PCDHGA10: variants seen among roughly 807,000 people sequenced by gnomAD.
PCDHGA10 encodes protocadherin gamma-A10.
A neutral mutation model predicts 59.5 loss-of-function variants in PCDHGA10; 42 were observed. That is an observed-to-expected ratio of 0.71 (90% CI 0.55 to 0.91). The LOEUF (loss-of-function observed/expected upper bound fraction) is 0.91. PCDHGA10 is among the 40% of genes least tolerant of loss of function. The pLI, the probability that PCDHGA10 is intolerant of heterozygous loss-of-function variation, is 0.00. For missense variants in PCDHGA10, 1,111 were observed against 1,198.2 expected, an observed-to-expected ratio of 0.93 and a Z score of 1.07; for synonymous variants, 511 against 517.2, an observed-to-expected ratio of 0.99 and a Z score of 0.16.
At chr5:141,447,773 T>C (rs2098551408) in intron 1 of PCDHGA10, among the ~76,000 whole-genome samples, 1 of 152,202 alleles carries the variant, frequency 6.6e-6, no homozygotes, top group African/African-American at 2.4e-5. Context: ...AATTATACTT[T>C]AATTGAAAAT....
At chr5:141,466,974 C>G (rs1314224956) in intron 1 of PCDHGA10, among the ~76,000 whole-genome samples, 1 of 151,944 alleles carries the variant, frequency 6.6e-6, no homozygotes, top group Non-Finnish European at 1.5e-5. Context: ...TCTCACAGCT[C>G]ATCATTTACC....
intron 1 of PCDHGA10, among the ~76,000 whole-genome samples, chr5:141,436,604 G>A (rs2097836057): frequency 6.6e-6 from 1 of 152,146 alleles, no homozygotes; most frequent in Admixed American, 6.5e-5. Context: ...GTGATGGCTA[G>A]GGCTAACAAA....
chr5:141,497,919 T>G (rs762168347), intron 2 of PCDHGA10, among the ~76,000 whole-genome samples: 11 of 152,206 alleles, frequency 7.2e-5, no homozygotes, highest in Non-Finnish European at 1.6e-4. Flanking sequence ...TCTCCTTCAT[T>G]CATTCAACAA....
chr5:141,418,264 A>C, intron 1 of PCDHGA10: 1 of 1,614,082 alleles, frequency 6.2e-7, no homozygotes, highest in Non-Finnish European at 8.5e-7. Flanking sequence ...AATTCCGGAA[A>C]GATGAAATAA....
intron 1 of PCDHGA10, chr5:141,423,123 A>G: frequency 1.2e-6 from 2 of 1,613,766 alleles, no homozygotes; most frequent in Non-Finnish European, 1.7e-6. Flanking sequence ...CAGCGCGGGC[A>G]CTGCTGGACA....
chr5:141,468,903 C>T (rs1265804352), intron 1 of PCDHGA10, among the ~76,000 whole-genome samples: 1 of 151,614 alleles, frequency 6.6e-6, no homozygotes, highest in Non-Finnish European at 1.5e-5. Context: ...CTAATATGAT[C>T]CAGACTAGAA....
rs1412265811 is a variant in PCDHGA10, at chr5:141,461,565, A to G, written c.2437-33242A>G. Among the ~76,000 whole-genome samples the G allele has an allele frequency of 2.6e-5, 4 of 152,178 alleles. No individual in the cohort carries two copies. The East Asian group carries it at 7.7e-4, about 29-fold the overall frequency. On this transcript the variant is annotated intron_variant, in intron 1 of 3. Coordinates refer to ENST00000398610, the MANE Select transcript of PCDHGA10 (RefSeq NM_018913.3). ...CCTTTGTCAGATGTGTACTTTGCAA[A>G]GATAATATTTTGGATGTTATATTTC...
chr5:141,433,643 C>A (rs899772934), intron 1 of PCDHGA10, among the ~76,000 whole-genome samples: 13 of 152,070 alleles, frequency 8.5e-5, no homozygotes, highest in African/African-American at 2.7e-4. Context: ...TGAGACCAGC[C>A]TGACCAACAT....
At chr5:141,438,232 GT>G (rs531572606) in intron 1 of PCDHGA10, among the ~76,000 whole-genome samples, 207 of 152,154 alleles carry the variant, frequency 1.4e-3, no homozygotes, top group Middle Eastern at 0.01. Flanking sequence ...TCAGGAAAAT[GT>G]TTTTAAAAAA....
Position 141,432,849 on chromosome 5 carries a change from T to G in PCDHGA10, c.2436+17238T>G. The G allele has an allele frequency of 1.2e-6, 2 of 1,614,194 alleles. No homozygotes were observed. The highest frequency in any genetic ancestry group is 2.2e-5 in the South Asian group (2 of 91,092). ...CTCACTCTGTACCTGGTGGTAGCGG[T>G]GGCCGCGGTCTCCTGCGTCTTCCTG... On this transcript the variant is annotated intron_variant, in intron 1 of 3. Coordinates refer to ENST00000398610, the MANE Select transcript of PCDHGA10 (RefSeq NM_018913.3). This position sits in a 1 kb window ranked among gnomAD's most constrained non-coding sequence, Gnocchi z 6.0.
Position 141,464,191 on chromosome 5 carries a change from G to C in PCDHGA10, c.2437-30616G>C, listed in dbSNP as rs185888723. Among the ~76,000 whole-genome samples, 583 of 151,818 alleles carry C rather than the reference G, an allele frequency of 3.8e-3. 6 individuals are homozygous for C. Among genetic ancestry groups the C allele is most frequent in the Admixed American group, 0.011 (166 of 15,202 alleles). On this transcript the variant is annotated intron_variant, in intron 1 of 3. Transcript: ENST00000398610. ...GAGGCAGGAGAATTGCTTGATTTCA[G>C]GAGGCGGAGATTGCAGTGAGCTGAG...
At position 141,415,071 on chromosome 5, in the gene PCDHGA10, G is replaced by T; in HGVS notation, c.1896G>T (p.Thr632=). 6.2e-7 allele frequency: 1 copy of T among 1,613,422 alleles called. No individual in the cohort carries two copies. The highest frequency in any genetic ancestry group is 2.2e-5 in the East Asian group (1 of 44,870). Residue 632 remains threonine, a synonymous_variant, in exon 1 of 4, where the codon ACG becomes ACT. Coordinates refer to ENST00000398610, the MANE Select transcript of PCDHGA10 (RefSeq NM_018913.3). Reference sequence around the variant, plus strand: ...GGGAGCACACGGGCGAGGTGCGCACGGCGCGAGCCCTGCTGGACAGAGACG... The same window carrying T: ...GGGAGCACACGGGCGAGGTGCGCACTGCGCGAGCCCTGCTGGACAGAGACG... ...AVGEHTGEVR[T]ARALLDRDAL...
At chr5:141,443,126 A>G (rs972396091) in intron 1 of PCDHGA10, among the ~76,000 whole-genome samples, 1 of 152,190 alleles carries the variant, frequency 6.6e-6, no homozygotes, top group Non-Finnish European at 1.5e-5. Context: ...AACCAGATTA[A>G]GAACACTATC....
rs768648952 is a variant in PCDHGA10 at position 141,477,230 on chromosome 5, G to C, written c.2437-17577G>C. 6.2e-7 allele frequency: 1 copy of C among 1,614,046 alleles called. No homozygotes were observed. Among genetic ancestry groups the C allele is most frequent in the East Asian group, 2.2e-5 (1 of 44,890 alleles). ...GGATGCCCCTCTGGGGACTGTCATC[G>C]CTTTGCTCAGTGTGACTGACCTGGA... On this transcript the variant is annotated intron_variant, in intron 1 of 3. Transcript: ENST00000398610. The surrounding 1 kb of genome is among the most constrained non-coding windows in gnomAD (Gnocchi z 4.9).
In PCDHGA10 at chr5:141,415,023, C is replaced by A. The variant is rs1213037511; in HGVS notation, c.1848C>A (p.Ser616Arg). 1 of 1,613,530 alleles carries A rather than the reference C, an allele frequency of 6.2e-7. No individual in the cohort carries two copies. Among genetic ancestry groups the A allele is most frequent in the East Asian group, 2.2e-5 (1 of 44,872 alleles). ...AWLSYRLLKASEPGLFAVGEH... is the reference protein window; with the variant it reads ...AWLSYRLLKAREPGLFAVGEH... ...TGTCCTACCGTCTGCTCAAGGCCAG[C>A]GAGCCGGGACTCTTCGCGGTGGGGG... Residue 616 changes from serine (S) to arginine (R), a missense_variant, in exon 1 of 4, where the codon AGC becomes AGA. Coordinates refer to ENST00000398610, the MANE Select transcript of PCDHGA10 (RefSeq NM_018913.3).
chr5:141,511,215 A>G lies in PCDHGA10; in HGVS notation c.*42A>G, dbSNP rs1562250541. On this transcript the variant is annotated 3_prime_UTR_variant, in exon 4 of 4. Coordinates refer to ENST00000398610, the MANE Select transcript of PCDHGA10 (RefSeq NM_018913.3). ...AGAGCCACAGGGCGGCCTCTCCCCA[A>G]CCAGCCCAGCTTCTCCTTACCTGCA... The G allele has an allele frequency of 1.2e-6, 2 of 1,608,380 alleles. No individual in the cohort carries two copies. The highest frequency in any genetic ancestry group is 2.2e-5 in the East Asian group (1 of 44,560).
At position 141,489,318 on chromosome 5, in the gene PCDHGA10, G is replaced by T; in HGVS notation, c.2437-5489G>T. On this transcript the variant is annotated intron_variant, in intron 1 of 3. Coordinates refer to ENST00000398610, the MANE Select transcript of PCDHGA10 (RefSeq NM_018913.3). The surrounding 1 kb of genome is among the most constrained non-coding windows in gnomAD (Gnocchi z 4.5). ...TGTTGTCCTTGTGCTGCTGGGGCTG[G>T]GTGTCTGGGCAGCTTCGTTACTCAG... The T allele has an allele frequency of 6.3e-7, 1 of 1,599,092 alleles. No homozygotes were observed. Among genetic ancestry groups the T allele is most frequent in the Non-Finnish European group, 8.5e-7 (1 of 1,171,660 alleles).
At chr5:141,482,089 CAA>C (rs36035257) in intron 1 of PCDHGA10, among the ~76,000 whole-genome samples, 9,071 of 134,384 alleles carry the variant, frequency 0.068, 318 homozygotes, top group South Asian at 0.13. Context: ...CACTCCATCT[CAA>C]AAAAAAAAAA....
chr5:141,416,169 TAA>T (rs1350204040), intron 1 of PCDHGA10: 1 of 152,706 alleles, frequency 6.5e-6, no homozygotes, highest in African/African-American at 2.4e-5. Flanking sequence ...TTGAATATAC[TAA>T]GTTTTTCATT....
Sources: allele counts gnomAD v4.1 joint callset (sites outside exome capture counted in the v4.1 genomes callset), GRCh38; gene constraint gnomAD v4.1.1; non-coding constraint Gnocchi (gnomAD v3.1); transcripts MANE v1.5; gene names NCBI Gene and HGNC (gene_info 2026-07-23, HGNC 2026-07-21).